Variants in TYRO3 observed in about 807,000 individuals in gnomAD.
TYRO3 encodes TYRO3 protein tyrosine kinase, also known as tyrosine-protein kinase receptor TYRO3.
In TYRO3, 38 loss-of-function variants were observed where a neutral mutation model predicts 95.2. The ratio of observed to expected loss-of-function variants is 0.40; its 90% CI spans 0.31 to 0.52. The LOEUF (loss-of-function observed/expected upper bound fraction) is 0.52, where lower values mean the gene tolerates loss of function less well. Ranked by LOEUF, TYRO3 falls within the 20% of genes least tolerant of loss-of-function variation. The probability of loss-of-function intolerance (pLI) is 0.56; values close to 1 mark genes in which losing one functional copy is unlikely to be tolerated. For missense variants in TYRO3, 812 were observed against 1,116.4 expected (o/e 0.73, Z 3.89); for synonymous variants, 367 against 432.9 (o/e 0.85, Z 1.89).
Position 41,577,874 on chromosome 15 carries a change from T to A in TYRO3, c.2283-12T>A. The A allele has an allele frequency of 1.2e-6, 2 of 1,605,222 alleles. No individual in the cohort carries two copies. The highest frequency in any genetic ancestry group is 1.7e-6 in the Non-Finnish European group (2 of 1,175,850). The stretch of plus-strand genomic sequence containing the variant: ...GGGCTCCTGCCTTTTCTCACGCTTC[T>A]CTCCACCCCAGGTATGATCTCATGT... On this transcript the variant is annotated splice_polypyrimidine_tract_variant and intron_variant, in intron 18 of 18. Transcript: ENST00000263798.
At chr15:41,561,485 A>T in intron 2 of TYRO3, 54 bp from the exon 3 acceptor site, 1 of 1,367,948 alleles carries the variant, frequency 7.3e-7, no homozygotes, top group South Asian at 1.3e-5. Context: ...AAGTTTGCCC[A>T]GCAGAGCTGC....
rs75471606 is a variant in TYRO3 at position 41,565,212 on chromosome 15, C to G, written c.783+71C>G. ...GCACTTTGTTGACAGGGATATCACA[C>G]TCACTAGCCAGCTCCTGGGGGCTTG... On this transcript the variant is annotated intron_variant, in intron 6 of 18. Transcript: ENST00000263798. 1.1e-3 allele frequency: 1,007 copies of G among 951,694 alleles called. 20 individuals are homozygous for G. The East Asian group carries it at 0.023, about 22-fold the overall frequency. The allele number at this position is 951,694 out of a possible 1,614,324, so 59.0% of individuals were successfully genotyped here.
In TYRO3 at chr15:41,562,591, A is replaced by C. The variant is rs764444564; in HGVS notation, c.453A>C (p.Pro151=). The C allele has an allele frequency of 6.2e-7, 1 of 1,613,462 alleles. No individual in the cohort carries two copies. The highest frequency in any genetic ancestry group is 8.5e-7 in the Non-Finnish European group (1 of 1,180,038). ...FTVEPKDLAV[P]PNAPFQLSCE... ...TGGAGCCAAAAGATCTGGCAGTGCC[A>C]CCCAATGCCCCTTTCCAACTGTCTT... is the stretch of plus-strand genomic sequence containing the variant. Residue 151 remains proline (P), a synonymous_variant, in exon 4 of 19, where the codon CCA becomes CCC. Coordinates refer to ENST00000263798, the MANE Select transcript of TYRO3 (RefSeq NM_006293.4).
chr15:41,564,764 C>T lies in TYRO3; in HGVS notation c.668-262C>T, dbSNP rs137899210. 6.3e-4 allele frequency: 303 copies of T among 483,192 alleles called. 2 individuals are homozygous for T. In the Middle Eastern group the frequency reaches 0.012, roughly 20 times the overall value. 29.9% of individuals were successfully genotyped at this position (483,192 alleles called of 1,614,324 possible). A position where few individuals can be genotyped will look rare whatever the true frequency, so the allele number is the denominator to read the frequency against. ...GAGGTGCTGCCCCCACATACCCTCTCATCTTATTCCTCAGTTACACAGGGC... is the reference window on the plus strand; with the variant it reads ...GAGGTGCTGCCCCCACATACCCTCTTATCTTATTCCTCAGTTACACAGGGC... On this transcript the variant is annotated intron_variant, in intron 5 of 18. Transcript: ENST00000263798.
chr15:41,578,329 C>A lies in TYRO3; in HGVS notation c.*53C>A. 6.2e-7 allele frequency: 1 copy of A among 1,606,360 alleles called. No individual in the cohort carries two copies. ...TTGGCCGGCTCTGGTGGCCACTGAG[C>A]TGGCTGACTAAGCCCCGTCTGACCC... On this transcript the variant is annotated 3_prime_UTR_variant, in exon 19 of 19. Transcript: ENST00000263798.
rs2055892863 is a variant in TYRO3 at position 41,578,820 on chromosome 15, C to A, written c.*544C>A. 1 of 159,182 alleles carries A rather than the reference C, an allele frequency of 6.3e-6. No individual in the cohort carries two copies. The highest frequency in any genetic ancestry group is 2.4e-5 in the African/African-American group (1 of 41,632). The allele number at this position is 159,182 out of a possible 1,614,324, so 9.9% of individuals were successfully genotyped here. ...TATCTCAGGTCTGAATCTTCACCAT[C>A]TTTCTGATTCCGCACCCTGCCTACG... On this transcript the variant is annotated 3_prime_UTR_variant, in exon 19 of 19. Transcript: ENST00000263798.
At position 41,568,124 on chromosome 15, in the gene TYRO3, G is replaced by T. The variant is rs1162051669; in HGVS notation, c.962-93G>T. On this transcript the variant is annotated intron_variant, in intron 7 of 18. Transcript: ENST00000263798. ...TCCCCAGTTTGTGCCTCTCAGAGCT[G>T]TTTAGTTCTTGGGAGTTGATTCCAA... 2.6e-6 allele frequency: 4 copies of T among 1,541,510 alleles called. No individual in the cohort carries two copies. The African/African-American group carries it at 5.5e-5, about 21-fold the overall frequency.
chr15:41,559,697 C>G (rs2052138655), intron 1 of TYRO3, among the ~76,000 whole-genome samples: 1 of 152,168 alleles, frequency 6.6e-6, no homozygotes. Context: ...GCTGTTAGCT[C>G]CCTCCTTCCC....
intron 6 of TYRO3, among the ~76,000 whole-genome samples, 153 bp downstream of exon 6, chr15:41,565,294 C>G (rs2055707808): frequency 1.3e-5 from 2 of 152,216 alleles, no homozygotes; most frequent in Non-Finnish European, 2.9e-5. Context: ...GCCACTGTCT[C>G]TTATCATGGG....
chr15:41,566,460 A>G (rs1277436195), intron 6 of TYRO3, among the ~76,000 whole-genome samples: 3 of 151,998 alleles, frequency 2.0e-5, no homozygotes, highest in African/African-American at 2.4e-5. Flanking sequence ...TCACTGCCAC[A>G]CTATACTATA....
chr15:41,567,685 T>C, intron 7 of TYRO3, 148 bp downstream of exon 7: 1 of 637,048 alleles, frequency 1.6e-6, no homozygotes, highest in Non-Finnish European at 2.4e-6. Context: ...TACCACCTTG[T>C]AAGTAGTTCT....
rs2055760411 is a variant in TYRO3 at position 41,568,977 on chromosome 15, G to A, written c.1207G>A (p.Gly403Arg). 6.2e-7 allele frequency: 1 copy of A among 1,614,042 alleles called. No homozygotes were observed. The highest frequency in any genetic ancestry group is 8.5e-7 in the Non-Finnish European group (1 of 1,180,050). Residue 403 changes from glycine to arginine, a missense_variant, in exon 9 of 19, where the codon GGA becomes AGA. Transcript: ENST00000263798. ...GTGCGTCTCCAATGCAGTTGGCTGT[G>A]GACCCTGGAGTCAGCCACTGGTGGT... ...RVCVSNAVGC[G>R]PWSQPLVVSS... is the part of the protein sequence containing the mutation.
intron 4 of TYRO3, 109 bp from the exon 5 acceptor site, chr15:41,564,075 C>T: frequency 2.0e-6 from 2 of 1,018,556 alleles, no homozygotes; most frequent in Middle Eastern, 2.1e-4. Context: ...CTTCCTTTGG[C>T]AGGAGGGATT....
chr15:41,564,826 C>G, intron 5 of TYRO3, 200 bp from the exon 6 acceptor site: 1 of 573,624 alleles, frequency 1.7e-6, no homozygotes. Flanking sequence ...CTCCACAGCC[C>G]AGGCACTCTC....
At chr15:41,574,497 A>G (rs2055838304) in intron 18 of TYRO3, among the ~76,000 whole-genome samples, 1 of 152,162 alleles carries the variant, frequency 6.6e-6, no homozygotes, top group Non-Finnish European at 1.5e-5. Context: ...ATTTATCCCC[A>G]CTTTGTAGAT....
intron 18 of TYRO3, among the ~76,000 whole-genome samples, chr15:41,574,256 C>T (rs767431326): frequency 9.2e-5 from 14 of 152,152 alleles, no homozygotes; most frequent in South Asian, 2.1e-4. Flanking sequence ...CTAGGCTGAG[C>T]TCTCTTGGGA....
At chr15:41,560,441 G>GCGCGCGCTCGCA (rs2055637786) in intron 1 of TYRO3, among the ~76,000 whole-genome samples, 1 of 151,678 alleles carries the variant, frequency 6.6e-6, no homozygotes, top group African/African-American at 2.4e-5. Context: ...GCGCGCGCGC[G>GCGCGCGCTCGCA]CGCGCTCGCA....
At chr15:41,568,041 T>G (rs865913686) in intron 7 of TYRO3, among the ~76,000 whole-genome samples, 176 bp from the exon 8 acceptor site, 1 of 152,166 alleles carries the variant, frequency 6.6e-6, no homozygotes, top group African/African-American at 2.4e-5. Context: ...TCCTGCCCAT[T>G]GCTTACCCCT....
intron 15 of TYRO3, 48 bp downstream of exon 15, chr15:41,572,612 A>G: frequency 7.1e-7 from 1 of 1,405,568 alleles, no homozygotes; most frequent in Non-Finnish European, 9.7e-7. Context: ...GTGGGAACAC[A>G]GGGCCTGGAA....
Sources: gnomAD v4.1 joint callset for allele counts (sites outside exome capture counted in the v4.1 genomes callset) on GRCh38, gnomAD v4.1.1 for gene constraint, MANE v1.5 for transcripts, NCBI Gene and HGNC (gene_info 2026-07-23, HGNC 2026-07-21) for gene names.